ELOVL7: variants seen among roughly 807,000 people sequenced by gnomAD.
ELOVL7 encodes the protein very long chain fatty acid elongase 7.
A neutral mutation model predicts 35.7 loss-of-function variants in ELOVL7; 27 were observed. That is an observed-to-expected ratio of 0.76 (90% CI 0.56 to 1.04). The LOEUF is 1.04. Among genes scored for constraint, ELOVL7 ranks in the 50% least tolerant of loss-of-function variants. The pLI is 0.00. For missense variants in ELOVL7, 327 were observed against 340.8 expected (o/e 0.96, Z 0.32); for synonymous variants, 113 against 114.6 (o/e 0.99, Z 0.09).
intron 1 of ELOVL7, among the ~76,000 whole-genome samples, chr5:60,811,701 T>TA (rs1266869169): frequency 6.6e-6 from 1 of 152,158 alleles, no homozygotes; most frequent in African/African-American, 2.4e-5. Flanking sequence ...CCTCACCATG[T>TA]GATGCCCTGT....
chr5:60,777,676 G>A (rs1171272011), intron 3 of ELOVL7, among the ~76,000 whole-genome samples: 1 of 152,166 alleles, frequency 6.6e-6, no homozygotes, highest in Non-Finnish European at 1.5e-5. Context: ...AGTAAGGAGA[G>A]TAAGTGCTGA....
At chr5:60,789,737 A>C (rs1743811716) in intron 2 of ELOVL7, among the ~76,000 whole-genome samples, 1 of 152,236 alleles carries the variant, frequency 6.6e-6, no homozygotes, top group Non-Finnish European at 1.5e-5. Context: ...GCTGGTTAAT[A>C]AGTGATAACA....
chr5:60,840,337 T>G (rs1343298977), intron 1 of ELOVL7, among the ~76,000 whole-genome samples: 1 of 152,116 alleles, frequency 6.6e-6, no homozygotes, highest in East Asian at 1.9e-4. Context: ...GATGGTTATG[T>G]GAAGACACAG....
At chr5:60,793,703 G>T (rs1042679129) in intron 2 of ELOVL7, among the ~76,000 whole-genome samples, 4 of 152,154 alleles carry the variant, frequency 2.6e-5, no homozygotes, top group Admixed American at 2.6e-4. Context: ...GGACTTGTCT[G>T]AAATGATCTA....
At chr5:60,770,833 G>A (rs547604005) in intron 4 of ELOVL7, among the ~76,000 whole-genome samples, 41 of 152,294 alleles carry the variant, frequency 2.7e-4, no homozygotes, top group African/African-American at 9.4e-4. Flanking sequence ...AAGCAGCTGG[G>A]ACCACGGGCG....
chr5:60,813,004 C>G (rs1487973503), intron 1 of ELOVL7, among the ~76,000 whole-genome samples: 5 of 152,152 alleles, frequency 3.3e-5, no homozygotes. Context: ...CACTCTGAAC[C>G]CTAACCTTTC....
At chr5:60,769,695 T>A (rs1742457844) in intron 4 of ELOVL7, among the ~76,000 whole-genome samples, 1 of 152,168 alleles carries the variant, frequency 6.6e-6, no homozygotes, top group Non-Finnish European at 1.5e-5. Context: ...GTAGAAAGTT[T>A]AAGAACATTC....
chr5:60,757,454 A>G, intron 8 of ELOVL7, 55 bp downstream of exon 8: 1 of 1,562,900 alleles, frequency 6.4e-7, no homozygotes, highest in South Asian at 1.2e-5. Flanking sequence ...TTCACAGTGA[A>G]AACAAGTGAC....
rs1409553527 is a variant in ELOVL7 at position 60,751,859 on chromosome 5, A to C, written c.*2765T>G. 6.6e-6 allele frequency: 1 copy of C among 152,230 alleles called. No homozygotes were observed. The highest frequency in any genetic ancestry group is 1.5e-5 in the Non-Finnish European group (1 of 68,032). 9.4% of individuals were successfully genotyped at this position (152,230 alleles called of 1,614,324 possible). A position where few individuals can be genotyped will look rare whatever the true frequency, so the allele number is the denominator to read the frequency against. ...AAACTCAAACTTTGACAACATCCAC[A>C]GAATGTTCCAGTCTTTAAAAAGTTA... On this transcript the variant is annotated 3_prime_UTR_variant, in exon 9 of 9. Transcript: ENST00000508821.
chr5:60,796,033 T>C (rs1261335531), intron 2 of ELOVL7, among the ~76,000 whole-genome samples: 3 of 152,228 alleles, frequency 2.0e-5, no homozygotes, highest in Non-Finnish European at 4.4e-5. Flanking sequence ...CTCTGGGTTA[T>C]GACCCTAGAA....
intron 4 of ELOVL7, among the ~76,000 whole-genome samples, chr5:60,770,709 AT>A (rs1323775945): frequency 6.6e-6 from 1 of 151,972 alleles, no homozygotes; most frequent in East Asian, 1.9e-4. Context: ...AGGCCAGAGT[AT>A]TTTTTTTATT....
At chr5:60,764,416 A>T (rs1742111471) in intron 6 of ELOVL7, 84 bp from the exon 7 acceptor site, 2 of 1,023,620 alleles carry the variant, frequency 2.0e-6, no homozygotes, top group African/African-American at 3.2e-5. Flanking sequence ...GCAAAGTGCA[A>T]AGTATTTCAT....
intron 1 of ELOVL7, among the ~76,000 whole-genome samples, chr5:60,812,231 A>C (rs912281892): frequency 6.6e-6 from 1 of 152,174 alleles, no homozygotes; most frequent in East Asian, 1.9e-4. Context: ...CAAAATAAAT[A>C]AATTAATTAA....
chr5:60,806,716 G>A (rs1297021689), intron 1 of ELOVL7, among the ~76,000 whole-genome samples: 5 of 152,200 alleles, frequency 3.3e-5, no homozygotes, highest in Admixed American at 6.5e-5. Flanking sequence ...GGAACTGTTT[G>A]CGGTCTCTCT....
chr5:60,773,693 T>G (rs774586582), intron 3 of ELOVL7, among the ~76,000 whole-genome samples: 2 of 152,316 alleles, frequency 1.3e-5, no homozygotes, highest in African/African-American at 4.8e-5. Context: ...CAAATGTTGA[T>G]AGGAAAACTG....
Position 60,767,798 on chromosome 5 carries a change from C to A in ELOVL7, c.336+25G>T, listed in dbSNP as rs1225151610. 6.3e-6 allele frequency: 10 copies of A among 1,580,304 alleles called. No individual in the cohort carries two copies. In the Admixed American group the frequency reaches 1.7e-4, roughly 26 times the overall value. On this transcript the variant is annotated intron_variant, in intron 5 of 8. Transcript: ENST00000508821. The stretch of plus-strand genomic sequence containing the variant: ...AAATTTTAACATTGATTTTGAATTT[C>A]AAGTTTTTCCAAAGAGAAACTTACC...
At chr5:60,798,710 A>G (rs1353764015) in intron 2 of ELOVL7, among the ~76,000 whole-genome samples, 1 of 152,216 alleles carries the variant, frequency 6.6e-6, no homozygotes, top group African/African-American at 2.4e-5. Context: ...AAAATAATGC[A>G]AAGATTAATA....
At chr5:60,827,011 A>G (rs888382021) in intron 1 of ELOVL7, among the ~76,000 whole-genome samples, 14 of 152,230 alleles carry the variant, frequency 9.2e-5, no homozygotes, top group African/African-American at 3.4e-4. Flanking sequence ...AAACATGAAC[A>G]CAGATTCAGA....
At chr5:60,800,548 A>G (rs1346267816) in intron 1 of ELOVL7, among the ~76,000 whole-genome samples, 2 of 152,220 alleles carry the variant, frequency 1.3e-5, no homozygotes. Context: ...CTTTTCCTCT[A>G]AGATCAAGAC....
Sources: allele counts gnomAD v4.1 joint callset (sites outside exome capture counted in the v4.1 genomes callset), GRCh38; gene constraint gnomAD v4.1.1; transcripts MANE v1.5; gene names NCBI Gene and HGNC (gene_info 2026-07-23, HGNC 2026-07-21).